The following DPYSL3 variants were observed in gnomAD, a reference collection of about 807,000 sequenced individuals.
The protein encoded by DPYSL3 is dihydropyrimidinase like 3, also known as dihydropyrimidinase-related protein 3.
In DPYSL3, 16 loss-of-function variants were observed where a neutral mutation model predicts 66.1. The ratio of observed to expected loss-of-function variants is 0.24; its 90% CI spans 0.16 to 0.37. The LOEUF (loss-of-function observed/expected upper bound fraction) is 0.37. DPYSL3 is among the 10% of genes least tolerant of loss of function. The pLI, the probability that DPYSL3 is intolerant of heterozygous loss-of-function variation, is 1.00. For missense variants in DPYSL3, 738 were observed against 916.2 expected, an observed-to-expected ratio of 0.81 and a Z score of 2.51; for synonymous variants, 338 against 345.1, an observed-to-expected ratio of 0.98 and a Z score of 0.23.
rs143779718 is a variant in DPYSL3, at chr5:147,395,232, C to A, written c.1966+327G>T. Among the ~76,000 whole-genome samples, 22 of 152,334 alleles carry A rather than the reference C, an allele frequency of 1.4e-4. 1 individual carries two copies. The highest frequency in any genetic ancestry group is 5.3e-4 in the African/African-American group (22 of 41,580). On this transcript the variant is annotated intron_variant, in intron 13 of 13. Transcript: ENST00000343218. ...AAAACATACTATGTTGCATAGCGCT[C>A]ATAGGCTAATGCTGGAAATCACTAT...
At chr5:147,481,799 C>T (rs1434552055) in intron 1 of DPYSL3, among the ~76,000 whole-genome samples, 2 of 152,158 alleles carry the variant, frequency 1.3e-5, no homozygotes, top group Non-Finnish European at 2.9e-5. Flanking sequence ...TTGCTAGATG[C>T]CAGCACCATG....
intron 4 of DPYSL3, among the ~76,000 whole-genome samples, chr5:147,413,999 T>C (rs1561778417): frequency 6.6e-6 from 1 of 152,216 alleles, no homozygotes; most frequent in Non-Finnish European, 1.5e-5. Flanking sequence ...AGCACACCAG[T>C]TGTGTTCATA....
chr5:147,450,625 T>C (rs1752709954), intron 1 of DPYSL3, among the ~76,000 whole-genome samples: 1 of 152,128 alleles, frequency 6.6e-6, no homozygotes, highest in Non-Finnish European at 1.5e-5. Context: ...TTTCCAGCCC[T>C]ACCACAGGAA....
intron 6 of DPYSL3, among the ~76,000 whole-genome samples, chr5:147,410,319 G>A (rs1751823671): frequency 6.6e-6 from 1 of 152,152 alleles, no homozygotes; most frequent in East Asian, 1.9e-4. Flanking sequence ...CCTGAACTCT[G>A]CTACTGACTT....
chr5:147,408,496 T>C (rs1751768412), intron 7 of DPYSL3, among the ~76,000 whole-genome samples: 2 of 152,206 alleles, frequency 1.3e-5, no homozygotes, highest in African/African-American at 4.8e-5. Flanking sequence ...CACTCCTGAA[T>C]AGCTGTGAAG....
intron 1 of DPYSL3, among the ~76,000 whole-genome samples, chr5:147,464,865 C>T (rs1277933653): frequency 6.6e-6 from 1 of 152,038 alleles, no homozygotes; most frequent in Non-Finnish European, 1.5e-5. Context: ...GAGAAGAGAC[C>T]CTAAATCCTG....
rs763887873 is a variant in DPYSL3 at position 147,418,429 on chromosome 5, T to C, written c.655+18A>G. The C allele has an allele frequency of 6.3e-7, 1 of 1,585,508 alleles. No homozygotes were observed. Among genetic ancestry groups the C allele is most frequent in the South Asian group, 1.2e-5 (1 of 86,254 alleles). ...CACACTTCTGAGAAACAGGAGTGTG[T>C]AAAATATGAAGACTTACTGATCATG... On this transcript the variant is annotated intron_variant, in intron 3 of 13. Transcript: ENST00000343218.
At chr5:147,396,500 G>A (rs533302136) in intron 12 of DPYSL3, among the ~76,000 whole-genome samples, 3 of 152,270 alleles carry the variant, frequency 2.0e-5, no homozygotes, top group Admixed American at 6.5e-5. Flanking sequence ...CAATGAGGAC[G>A]CGCTGCCAGA....
intron 8 of DPYSL3, among the ~76,000 whole-genome samples, chr5:147,404,864 G>A (rs1758289185): frequency 6.6e-6 from 1 of 152,166 alleles, no homozygotes; most frequent in African/African-American, 2.4e-5. Context: ...AGTCTCAGTG[G>A]CTCAGGAGGT....
At chr5:147,401,783 C>T (rs1021363231) in intron 8 of DPYSL3, 87 bp from the exon 9 acceptor site, 2 of 1,509,830 alleles carry the variant, frequency 1.3e-6, no homozygotes, top group African/African-American at 2.8e-5. Flanking sequence ...CCTAAGCCTA[C>T]CCAGGACTGT....
chr5:147,465,236 A>C (rs916080137), intron 1 of DPYSL3, among the ~76,000 whole-genome samples: 2 of 152,124 alleles, frequency 1.3e-5, no homozygotes, highest in Non-Finnish European at 2.9e-5. Flanking sequence ...AAACAACAAC[A>C]ATAACGAGGA....
At chr5:147,489,368 C>T (rs1266820938) in intron 1 of DPYSL3, among the ~76,000 whole-genome samples, 1 of 152,172 alleles carries the variant, frequency 6.6e-6, no homozygotes, top group Non-Finnish European at 1.5e-5. Flanking sequence ...GAGAACAGCA[C>T]AGGGGCGTAT....
intron 1 of DPYSL3, among the ~76,000 whole-genome samples, chr5:147,455,450 AAC>A (rs1752832803): frequency 6.6e-6 from 1 of 152,208 alleles, no homozygotes; most frequent in South Asian, 2.1e-4. Context: ...ACTCTTGCAA[AAC>A]ACAAGGGGGA....
At chr5:147,399,276 T>C (rs749126515) in intron 10 of DPYSL3, 24 bp from the exon 11 acceptor site, 6 of 1,609,880 alleles carry the variant, frequency 3.7e-6, no homozygotes, top group East Asian at 4.5e-5. Flanking sequence ...AGAAATTATA[T>C]CTATATCTAT....
chr5:147,508,179 C>T (rs1753707868), intron 1 of DPYSL3, among the ~76,000 whole-genome samples: 1 of 152,092 alleles, frequency 6.6e-6, no homozygotes, highest in Admixed American at 6.5e-5. Flanking sequence ...CAGAGGAAGC[C>T]GACATTGTTT....
At chr5:147,501,478 A>ATTTTTT (rs749216433) in intron 1 of DPYSL3, among the ~76,000 whole-genome samples, 9 of 91,070 alleles carry the variant, frequency 9.9e-5, no homozygotes, top group Non-Finnish European at 1.2e-4. Context: ...GGTGATAATG[A>ATTTTTT]TTTTTTTTTT....
At chr5:147,394,935 G>A (rs1361645769) in intron 13 of DPYSL3, among the ~76,000 whole-genome samples, 1 of 152,032 alleles carries the variant, frequency 6.6e-6, no homozygotes, top group African/African-American at 2.4e-5. Flanking sequence ...TTATAGGAAT[G>A]CGAATCTACA....
chr5:147,421,244 T>C (rs1314043835), intron 2 of DPYSL3, among the ~76,000 whole-genome samples: 1 of 152,156 alleles, frequency 6.6e-6, no homozygotes, highest in East Asian at 1.9e-4. Flanking sequence ...AGCCAAATCA[T>C]GAGCAAACTC....
At chr5:147,398,837 A>G (rs1049970230) in intron 11 of DPYSL3, among the ~76,000 whole-genome samples, 20 of 152,300 alleles carry the variant, frequency 1.3e-4, no homozygotes, top group African/African-American at 4.6e-4. Flanking sequence ...TCATGAAAAC[A>G]TATGTAGAGA....
Sources: allele counts gnomAD v4.1 joint callset (sites outside exome capture counted in the v4.1 genomes callset), GRCh38; gene constraint gnomAD v4.1.1; transcripts MANE v1.5; gene names NCBI Gene and HGNC (gene_info 2026-07-23, HGNC 2026-07-21).